PALS2: variants seen among roughly 807,000 people sequenced by gnomAD.
The protein encoded by PALS2 is protein associated with LIN7 2, MAGUK p55 family member.
Under a neutral mutation model 61.6 loss-of-function variants are expected in PALS2, and 27 were observed. The ratio of observed to expected loss-of-function variants is 0.44; its 90% CI spans 0.32 to 0.60. The LOEUF is 0.60. Among genes scored for constraint, PALS2 ranks in the 20% least tolerant of loss-of-function variants. The pLI is 0.05. For synonymous variants in PALS2, 236 were observed against 218.6 expected, an observed-to-expected ratio of 1.08 and a Z score of -0.70; for missense variants, 554 against 639.4, an observed-to-expected ratio of 0.87 and a Z score of 1.44.
Position 24,596,940 on chromosome 7 carries a change from A to G in PALS2, c.-3+23347A>G, listed in dbSNP as rs1047330725. On this transcript the variant is annotated intron_variant, in intron 1 of 11. Coordinates refer to ENST00000222644, the MANE Select transcript of PALS2 (RefSeq NM_001303037.2). The surrounding 1 kb of genome is among the most constrained non-coding windows in gnomAD (Gnocchi z 4.5). ...TGGTGAAGATTACTTTGAGACTTTTATGAAGTAGAATGAAAAGATTTGAAG... is the reference window on the plus strand; with the variant it reads ...TGGTGAAGATTACTTTGAGACTTTTGTGAAGTAGAATGAAAAGATTTGAAG... 1.7e-4 allele frequency among the ~76,000 whole-genome samples: 26 copies of G among 152,178 alleles called. No individual in the cohort carries two copies. Among genetic ancestry groups the G allele is most frequent in the Admixed American group, 1.7e-3 (26 of 15,246 alleles).
At chr7:24,650,766 A>G (rs898390622) in intron 5 of PALS2, 54 bp downstream of exon 5, 20 of 1,215,946 alleles carry the variant, frequency 1.6e-5, no homozygotes, top group Non-Finnish European at 2.3e-5. Context: ...TTTTAATCAC[A>G]GTGTTGGAAA....
chr7:24,678,251 G>T (rs1174988328), intron 9 of PALS2, among the ~76,000 whole-genome samples: 1 of 152,172 alleles, frequency 6.6e-6, no homozygotes, highest in Non-Finnish European at 1.5e-5. Flanking sequence ...GCAAAGGGTT[G>T]TATGTCTCTG....
chr7:24,650,432 T>G, intron 4 of PALS2, 53 bp from the exon 5 acceptor site: 1 of 1,358,038 alleles, frequency 7.4e-7, no homozygotes, highest in Middle Eastern at 1.9e-4. Context: ...TCATGAATAT[T>G]TAAGCATTTC....
At chr7:24,685,162 TTATTG>T in intron 11 of PALS2, among the ~76,000 whole-genome samples, 1 of 152,138 alleles carries the variant, frequency 6.6e-6, no homozygotes, top group Non-Finnish European at 1.5e-5. Flanking sequence ...CCATGTGTTC[TTATTG>T]TACACCTCCC....
chr7:24,665,798 C>G (rs1396976837), intron 7 of PALS2, 111 bp downstream of exon 7: 1 of 1,029,632 alleles, frequency 9.7e-7, no homozygotes, highest in Non-Finnish European at 1.4e-6. Context: ...AGAATGAATC[C>G]CTCCCTCTGC....
At chr7:24,633,334 A>G (rs975802781) in intron 2 of PALS2, among the ~76,000 whole-genome samples, 1 of 145,252 alleles carries the variant, frequency 6.9e-6, no homozygotes, top group Non-Finnish European at 1.5e-5. Context: ...TGGATAGGTA[A>G]TTCCAGGTTG....
chr7:24,620,045 T>G (rs944784096), intron 1 of PALS2: 3 of 152,144 alleles, frequency 2.0e-5, no homozygotes, highest in Non-Finnish European at 2.9e-5. Flanking sequence ...GTTTTAATAT[T>G]TTATAGGACT....
At chr7:24,594,808 A>G (rs749681007) in intron 1 of PALS2, among the ~76,000 whole-genome samples, 1 of 152,114 alleles carries the variant, frequency 6.6e-6, no homozygotes, top group Non-Finnish European at 1.5e-5. Flanking sequence ...GAATGTGTGT[A>G]TTTATTGTGA....
intron 1 of PALS2, among the ~76,000 whole-genome samples, chr7:24,578,462 A>C (rs918187119): frequency 1.3e-5 from 2 of 152,212 alleles, no homozygotes; most frequent in African/African-American, 4.8e-5. Flanking sequence ...AGTTGTTATA[A>C]AGGGAATTTA....
At chr7:24,677,113 T>G (rs1010060490) in intron 9 of PALS2, among the ~76,000 whole-genome samples, 2 of 151,010 alleles carry the variant, frequency 1.3e-5, no homozygotes, top group African/African-American at 4.9e-5. Flanking sequence ...GTTGGATTCC[T>G]AGGTATTTTA....
chr7:24,591,983 A>C (rs552836055), intron 1 of PALS2, among the ~76,000 whole-genome samples: 1 of 147,608 alleles, frequency 6.8e-6, no homozygotes, highest in African/African-American at 2.5e-5. Flanking sequence ...AGAAAAATGC[A>C]AAAAAAAAAG....
chr7:24,590,100 C>T (rs1783226338), intron 1 of PALS2, among the ~76,000 whole-genome samples: 1 of 152,136 alleles, frequency 6.6e-6, no homozygotes, highest in Non-Finnish European at 1.5e-5. Context: ...CAATTTCACA[C>T]AGTAAGTATT....
At chr7:24,637,417 C>A (rs923993708) in intron 2 of PALS2, among the ~76,000 whole-genome samples, 2 of 145,788 alleles carry the variant, frequency 1.4e-5, no homozygotes, top group Non-Finnish European at 3.0e-5. Flanking sequence ...CTCAAAAATT[C>A]TTTTTTATTT....
At position 24,687,701 on chromosome 7, in the gene PALS2, TAGA is replaced by T; in HGVS notation, c.*91_*93del. ...TTCTACTGAGAAAATACATCACAGA[TAGA>T]AGATTATCTGCTAAGTCCAGGCATT... On this transcript the variant is annotated 3_prime_UTR_variant, in exon 12 of 12. Transcript: ENST00000222644. The surrounding 1 kb of genome is among the most constrained non-coding windows in gnomAD (Gnocchi z 4.5). 1 of 1,318,706 alleles carries T rather than the reference TAGA, an allele frequency of 7.6e-7. No homozygotes were observed. Among genetic ancestry groups the T allele is most frequent in the South Asian group, 1.6e-5 (1 of 64,484 alleles). 81.7% of individuals were successfully genotyped at this position (1,318,706 alleles called of 1,614,324 possible).
At chr7:24,659,310 A>ATG (rs900316007) in intron 5 of PALS2, among the ~76,000 whole-genome samples, 3 of 152,194 alleles carry the variant, frequency 2.0e-5, no homozygotes, top group African/African-American at 7.2e-5. Context: ...TGATGAACAT[A>ATG]TGTGTACATG....
chr7:24,680,256 CAG>C (rs1311970269), intron 10 of PALS2, 134 bp from the exon 11 acceptor site: 2 of 793,268 alleles, frequency 2.5e-6, no homozygotes, highest in Non-Finnish European at 3.8e-6. Flanking sequence ...ATGAGAAGGA[CAG>C]AACAGGGATA....
chr7:24,626,586 T>C (rs555045054), intron 2 of PALS2, among the ~76,000 whole-genome samples: 24 of 152,126 alleles, frequency 1.6e-4, no homozygotes, highest in Non-Finnish European at 3.1e-4. Flanking sequence ...GACCAGCAAA[T>C]TGGATAAAGA....
chr7:24,675,861 T>C (rs1177350442), intron 9 of PALS2, among the ~76,000 whole-genome samples: 2 of 128,536 alleles, frequency 1.6e-5, no homozygotes, highest in Admixed American at 1.5e-4. Context: ...TACGTGTGCA[T>C]GTGTCTTTAT....
At position 24,618,704 on chromosome 7, in the gene PALS2, A is replaced by C. The variant is rs1784383884; in HGVS notation, c.-2-4962A>C. On this transcript the variant is annotated intron_variant, in intron 1 of 11. Transcript: ENST00000222644. This position sits in a 1 kb window ranked among gnomAD's most constrained non-coding sequence, Gnocchi z 5.1. The stretch of plus-strand genomic sequence containing the variant: ...CTACCAAGCCTCCGCTCCCACAAGG[A>C]GAAGTCCCTTCTGACTCTGGGCCAT... 6.7e-6 allele frequency among the ~76,000 whole-genome samples: 1 copy of C among 150,004 alleles called. No homozygotes were observed. Among genetic ancestry groups the C allele is most frequent in the African/African-American group, 2.4e-5 (1 of 41,286 alleles).
Sources: gnomAD v4.1 joint callset for allele counts (sites outside exome capture counted in the v4.1 genomes callset) on GRCh38, gnomAD v4.1.1 for gene constraint, Gnocchi (gnomAD v3.1) non-coding constraint, MANE v1.5 for transcripts, NCBI Gene and HGNC (gene_info 2026-07-23, HGNC 2026-07-21) for gene names.